Variants in ATP8A2 observed in about 807,000 individuals in gnomAD.
ATP8A2 encodes ATPase phospholipid transporting 8A2, also known as phospholipid-transporting ATPase IB.
ATP8A2 carries 100 observed loss-of-function variants against 165.6 expected under a neutral mutation model. The observed-to-expected ratio is 0.60, with a 90% CI of 0.51 to 0.71. The LOEUF is 0.71. Ranked by LOEUF, ATP8A2 falls within the 30% of genes least tolerant of loss-of-function variation. The pLI, the probability that ATP8A2 is intolerant of heterozygous loss-of-function variation, is 0.00. For missense variants in ATP8A2, 1,227 were observed against 1,479.5 expected (o/e 0.83, Z 2.80); for synonymous variants, 543 against 548.8 (o/e 0.99, Z 0.15).
chr13:25,988,320 C>A (rs1012546227), intron 35 of ATP8A2, among the ~76,000 whole-genome samples: 7 of 152,190 alleles, frequency 4.6e-5, no homozygotes, highest in Non-Finnish European at 1.0e-4. Flanking sequence ...TGGTGAAAGG[C>A]CCCCAACTCT....
chr13:25,546,452 TTGTC>T (rs2038652811), intron 10 of ATP8A2, among the ~76,000 whole-genome samples: 1 of 151,908 alleles, frequency 6.6e-6, no homozygotes, highest in African/African-American at 2.4e-5. Context: ...ATAACATTGT[TTGTC>T]TGTGCTTGTG....
intron 1 of ATP8A2, among the ~76,000 whole-genome samples, chr13:25,433,293 G>T (rs1001555966): frequency 1.3e-5 from 2 of 152,066 alleles, no homozygotes; most frequent in Non-Finnish European, 2.9e-5. Flanking sequence ...TTGTTTTTGA[G>T]ACAGGCTGTC....
intron 7 of ATP8A2, 86 bp from the exon 8 acceptor site, chr13:25,540,233 C>T (rs1230547625): frequency 2.0e-6 from 2 of 989,292 alleles, no homozygotes; most frequent in East Asian, 2.4e-5. Context: ...AATCAGCAGA[C>T]ACAGATTCCA....
intron 2 of ATP8A2, among the ~76,000 whole-genome samples, chr13:25,523,632 G>C (rs2037741113): frequency 1.3e-5 from 2 of 151,806 alleles, no homozygotes; most frequent in Admixed American, 6.6e-5. Flanking sequence ...ATTTCTTCTT[G>C]GTTTCTGATT....
intron 27 of ATP8A2, among the ~76,000 whole-genome samples, chr13:25,804,610 T>C (rs1456559922): frequency 2.0e-5 from 3 of 152,164 alleles, no homozygotes; most frequent in African/African-American, 4.8e-5. Flanking sequence ...ATTCTAAATA[T>C]AGAAGTGTCT....
At chr13:25,960,186 A>G (rs1458416886) in intron 33 of ATP8A2, among the ~76,000 whole-genome samples, 1 of 152,186 alleles carries the variant, frequency 6.6e-6, no homozygotes, top group Non-Finnish European at 1.5e-5. Flanking sequence ...TGCTGTGAGT[A>G]TAGACGCTGG....
chr13:25,414,138 A>G (rs1007349976), intron 1 of ATP8A2, among the ~76,000 whole-genome samples: 15 of 151,312 alleles, frequency 9.9e-5, no homozygotes, highest in Non-Finnish European at 1.8e-4. Flanking sequence ...AACTGTGATT[A>G]CAACCTGGCA....
chr13:25,707,872 T>C (rs1218406298), intron 25 of ATP8A2, among the ~76,000 whole-genome samples: 1 of 152,158 alleles, frequency 6.6e-6, no homozygotes, highest in East Asian at 1.9e-4. Context: ...AACTGAACAG[T>C]GGGAGTAATG....
At position 25,760,419 on chromosome 13, in the gene ATP8A2, G is replaced by T. The variant is rs1453836052; in HGVS notation, c.2385-8627G>T. ...AGGACATTATTAGAGCCTGAAATCAGAATTTAGACGCCATATAAAGGTATC... is the reference window on the plus strand; with the variant it reads ...AGGACATTATTAGAGCCTGAAATCATAATTTAGACGCCATATAAAGGTATC... On this transcript the variant is annotated intron_variant, in intron 25 of 36. Coordinates refer to ENST00000381655, the MANE Select transcript of ATP8A2 (RefSeq NM_016529.6). Among the ~76,000 whole-genome samples, 199 of 152,272 alleles carry T rather than the reference G, an allele frequency of 1.3e-3. 2 individuals carry two copies. The highest frequency in any genetic ancestry group is 2.4e-4 in the Non-Finnish European group (16 of 68,022).
chr13:25,539,097 G>GTGTGTGTTT (rs1263333295), intron 7 of ATP8A2, among the ~76,000 whole-genome samples: 1 of 146,094 alleles, frequency 6.8e-6, no homozygotes, highest in Non-Finnish European at 1.5e-5. Flanking sequence ...GTGTGTGTGT[G>GTGTGTGTTT]TGTTTTGTTT....
intron 24 of ATP8A2, among the ~76,000 whole-genome samples, chr13:25,623,894 C>T (rs1025061211): frequency 6.6e-6 from 1 of 150,706 alleles, no homozygotes; most frequent in Non-Finnish European, 1.5e-5. Flanking sequence ...ATGCATATAT[C>T]TATAATGCAT....
intron 33 of ATP8A2, among the ~76,000 whole-genome samples, chr13:25,885,333 G>C (rs535643964): frequency 1.3e-5 from 2 of 151,826 alleles, no homozygotes; most frequent in Non-Finnish European, 2.9e-5. Flanking sequence ...GGCTGGTCTC[G>C]AACTCCTGAC....
intron 24 of ATP8A2, among the ~76,000 whole-genome samples, chr13:25,679,762 C>T (rs956196712): frequency 6.6e-6 from 1 of 152,262 alleles, no homozygotes; most frequent in Admixed American, 6.5e-5. Context: ...GGATACCACC[C>T]TGGGCCCATT....
intron 33 of ATP8A2, among the ~76,000 whole-genome samples, chr13:25,908,598 G>A (rs1954015752): frequency 6.6e-6 from 1 of 152,240 alleles, no homozygotes; most frequent in Non-Finnish European, 1.5e-5. Flanking sequence ...GACGCCCCAT[G>A]GCTGCTACAG....
rs1429318300 is a variant in ATP8A2, at chr13:25,512,950, G to A, written c.222-17049G>A. ...TCCCTCCCGGATGGGGCGGCTGGCC[G>A]GGTGGGGGGCTGACCCCCCCACCTC... On this transcript the variant is annotated intron_variant, in intron 2 of 36. Coordinates refer to ENST00000381655, the MANE Select transcript of ATP8A2 (RefSeq NM_016529.6). 8.5e-5 allele frequency among the ~76,000 whole-genome samples: 12 copies of A among 141,832 alleles called. No homozygotes were observed. The South Asian group carries it at 1.8e-3, about 22-fold the overall frequency. 93.0% of individuals were successfully genotyped at this position (141,832 alleles called of 152,430 possible).
At chr13:25,377,920 A>T (rs905493255) in intron 1 of ATP8A2, among the ~76,000 whole-genome samples, 3 of 152,146 alleles carry the variant, frequency 2.0e-5, no homozygotes, top group Non-Finnish European at 2.9e-5. Context: ...GGAGTTCGAG[A>T]CCAGCCTGTA....
At chr13:25,610,914 A>G (rs1458400009) in intron 24 of ATP8A2, among the ~76,000 whole-genome samples, 1 of 129,606 alleles carries the variant, frequency 7.7e-6, no homozygotes, top group Non-Finnish European at 1.6e-5. Context: ...GCTATTGTAG[A>G]AGGGGTTGAG....
At chr13:25,874,164 T>C (rs1952759478) in intron 33 of ATP8A2, among the ~76,000 whole-genome samples, 2 of 152,212 alleles carry the variant, frequency 1.3e-5, no homozygotes, top group South Asian at 4.1e-4. Context: ...TGGGGACATT[T>C]ACCTGGCCCC....
At chr13:25,912,197 G>C (rs656856) in intron 33 of ATP8A2, among the ~76,000 whole-genome samples, 151 of 114,926 alleles carry the variant, frequency 1.3e-3, no homozygotes, top group African/African-American at 7.1e-3. Context: ...CACACACACA[G>C]TGGAATAGTC....
Sources: gnomAD v4.1 joint callset for allele counts (sites outside exome capture counted in the v4.1 genomes callset) on GRCh38, gnomAD v4.1.1 for gene constraint, MANE v1.5 for transcripts, NCBI Gene and HGNC (gene_info 2026-07-23, HGNC 2026-07-21) for gene names.